The following XIRP2 variants were observed in gnomAD, a reference collection of about 807,000 sequenced individuals.
XIRP2 encodes the protein xin actin-binding repeat-containing protein 2.
XIRP2 carries 236 observed loss-of-function variants against 277.0 expected under a neutral mutation model. That is an observed-to-expected ratio of 0.85 (90% confidence interval 0.77 to 0.95). The LOEUF (loss-of-function observed/expected upper bound fraction) is 0.95, where lower values mean the gene tolerates loss of function less well. Among genes scored for constraint, XIRP2 ranks in the 40% least tolerant of loss-of-function variants. The pLI, the probability that XIRP2 is intolerant of heterozygous loss-of-function variation, is 0.00. For synonymous variants in XIRP2, 1,490 were observed against 1,416.5 expected, an observed-to-expected ratio of 1.05 and a Z score of -1.17; for missense variants, 4,640 against 4,157.5, an observed-to-expected ratio of 1.12 and a Z score of -3.19.
At chr2:166,945,539 A>C (rs980940351) in intron 2 of XIRP2, among the ~76,000 whole-genome samples, 3 of 152,062 alleles carry the variant, frequency 2.0e-5, no homozygotes, top group Non-Finnish European at 1.5e-5. Flanking sequence ...GACAGCGGTA[A>C]CCCAACTCAA....
At chr2:166,914,924 T>C (rs1684820673) in intron 2 of XIRP2, among the ~76,000 whole-genome samples, 1 of 152,126 alleles carries the variant, frequency 6.6e-6, no homozygotes. Context: ...AATTCATCTG[T>C]CTTGATCTTC....
rs199955189 is a variant in XIRP2 at position 167,172,356 on chromosome 2, G to A, written c.562+36294G>A. On this transcript the variant is annotated intron_variant, in intron 3 of 10. Coordinates refer to ENST00000409195, the MANE Select transcript of XIRP2 (RefSeq NM_152381.6). ...ACAGGACCGGGGCAAAATTAAAATT[G>A]CTAATGAAGTTTCGGGCACGCATTG... 2.6e-5 allele frequency among the ~76,000 whole-genome samples: 4 copies of A among 152,276 alleles called. No homozygotes were observed. The East Asian group carries it at 7.7e-4, about 29-fold the overall frequency.
At chr2:167,173,822 AT>A (rs1692764628) in intron 3 of XIRP2, among the ~76,000 whole-genome samples, 1 of 152,156 alleles carries the variant, frequency 6.6e-6, no homozygotes, top group African/African-American at 2.4e-5. Context: ...ATTGGGTGAC[AT>A]GATATCTCAT....
chr2:167,027,418 A>G (rs545828424), intron 2 of XIRP2, among the ~76,000 whole-genome samples: 1 of 151,978 alleles, frequency 6.6e-6, no homozygotes, highest in South Asian at 2.1e-4. Context: ...ATTTTTTTTC[A>G]AAAAGTTTCT....
At chr2:166,894,415 T>C (rs991550073) in intron 1 of XIRP2, among the ~76,000 whole-genome samples, 2 of 152,154 alleles carry the variant, frequency 1.3e-5, no homozygotes, top group African/African-American at 4.8e-5. Context: ...GCAGATTTCC[T>C]TTCTTGAGTC....
chr2:167,237,875 G>A (rs1406448188), intron 5 of XIRP2, among the ~76,000 whole-genome samples: 1 of 152,192 alleles, frequency 6.6e-6, no homozygotes, highest in Non-Finnish European at 1.5e-5. Context: ...TTGTCACAGA[G>A]GTAAAGAGCT....
At chr2:167,075,465 A>G (rs1689539408) in intron 2 of XIRP2, among the ~76,000 whole-genome samples, 1 of 152,162 alleles carries the variant, frequency 6.6e-6, no homozygotes, top group Admixed American at 6.5e-5. Context: ...TAAGAGTTTC[A>G]CAGCTGCTTG....
At chr2:167,171,740 AT>A (rs1692698541) in intron 3 of XIRP2, among the ~76,000 whole-genome samples, 1 of 152,176 alleles carries the variant, frequency 6.6e-6, no homozygotes, top group South Asian at 2.1e-4. Flanking sequence ...GTTATTAGGT[AT>A]ATATGGATTT....
Position 167,039,212 on chromosome 2 carries a change from G to C in XIRP2, c.409-96697G>C, listed in dbSNP as rs148076312. On this transcript the variant is annotated intron_variant, in intron 2 of 10. Coordinates refer to ENST00000409195, the MANE Select transcript of XIRP2 (RefSeq NM_152381.6). Reference sequence around the variant, plus strand: ...ACCACAATGAGTTTAACTGTAGCAAGAAACAACCTTACTCTTAAATTGTGA... The same window carrying C: ...ACCACAATGAGTTTAACTGTAGCAACAAACAACCTTACTCTTAAATTGTGA... 2.6e-5 allele frequency among the ~76,000 whole-genome samples: 4 copies of C among 152,040 alleles called. No individual in the cohort carries two copies. In the East Asian group the frequency reaches 7.7e-4, roughly 29 times the overall value.
chr2:167,132,117 T>C (rs1197632536), intron 2 of XIRP2, among the ~76,000 whole-genome samples: 1 of 152,006 alleles, frequency 6.6e-6, no homozygotes, highest in Non-Finnish European at 1.5e-5. Flanking sequence ...CTTCTGGCCA[T>C]CTCCATCATC....
chr2:167,246,277 G>T lies in XIRP2; in HGVS notation c.4885G>T (p.Glu1629Ter). ...AAGAGAGATTTTGATTAGTGAAGAA[G>T]AGAAGGGAAATGTTAATTTGACTAA... Reference protein sequence around the residue: ...TEREILISEEEKGNVNLTKTQ... With the variant: ...TEREILISEE The change falls in exon 9 of 11, where the codon GAG (glutamate) becomes TAG (stop). Residue 1629 changes from glutamate (E) to a stop codon, truncating the protein, a stop_gained. Coordinates refer to ENST00000409195, the MANE Select transcript of XIRP2 (RefSeq NM_152381.6). LOFTEE classifies it high-confidence loss of function. The T allele has an allele frequency of 6.2e-7, 1 of 1,613,460 alleles. No individual in the cohort carries two copies. Among genetic ancestry groups the T allele is most frequent in the Non-Finnish European group, 8.5e-7 (1 of 1,179,712 alleles).
chr2:167,250,495 A>C lies in XIRP2; in HGVS notation c.9103A>C (p.Met3035Leu). ...SYENIIQTAM[M>L]SSKTGKPGNK... Reference sequence around the variant, plus strand: ...TGAAAATATAATTCAGACAGCCATGATGTCCTCCAAAACAGGAAAACCGGG... The same window carrying C: ...TGAAAATATAATTCAGACAGCCATGCTGTCCTCCAAAACAGGAAAACCGGG... Residue 3035 changes from methionine (M) to leucine (L), a missense_variant, in exon 9 of 11, where the codon ATG (methionine) becomes CTG (leucine). Physicochemically the swap from Met to Leu is conservative, Grantham distance 15 (BLOSUM62 2). Coordinates refer to ENST00000409195, the MANE Select transcript of XIRP2 (RefSeq NM_152381.6). 1 of 1,613,626 alleles carries C rather than the reference A, an allele frequency of 6.2e-7. No homozygotes were observed. Among genetic ancestry groups the C allele is most frequent in the Non-Finnish European group, 8.5e-7 (1 of 1,179,698 alleles).
intron 2 of XIRP2, among the ~76,000 whole-genome samples, chr2:166,958,469 T>C (rs902024666): frequency 6.6e-6 from 1 of 151,818 alleles, no homozygotes; most frequent in African/African-American, 2.4e-5. Flanking sequence ...TATTCTTGCT[T>C]GTAAATATAG....
Position 166,912,110 on chromosome 2 carries a change from A to G in XIRP2, c.408+8220A>G, listed in dbSNP as rs563353945. Among the ~76,000 whole-genome samples, 97 of 152,222 alleles carry G rather than the reference A, an allele frequency of 6.4e-4. 3 individuals are homozygous for G. The highest frequency in any genetic ancestry group is 2.2e-3 in the African/African-American group (91 of 41,520). ...CTTGGAGTTGCTCTTCTCGAGGAGT[A>G]TCTTTGTGGCATTCTCTGTATTTCC... is the stretch of plus-strand genomic sequence containing the variant. On this transcript the variant is annotated intron_variant, in intron 2 of 10. Transcript: ENST00000409195.
At chr2:167,206,854 T>A (rs561726544) in intron 3 of XIRP2, among the ~76,000 whole-genome samples, 1 of 152,336 alleles carries the variant, frequency 6.6e-6, no homozygotes, top group East Asian at 1.9e-4. Context: ...ATAGGAAATA[T>A]TTACATTTAG....
Position 167,183,398 on chromosome 2 carries a change from T to C in XIRP2, c.563-27337T>C, listed in dbSNP as rs780006277. Among the ~76,000 whole-genome samples the C allele has an allele frequency of 5.5e-4, 84 of 152,188 alleles. 2 individuals are homozygous for C. The highest frequency in any genetic ancestry group is 1.6e-4 in the Non-Finnish European group (11 of 68,030). ...GTAGTTATATGATTCAATAATATCA[T>C]ACTGCTGCTGAAAATCTAGTGAGTA... On this transcript the variant is annotated intron_variant, in intron 3 of 10. Transcript: ENST00000409195.
intron 9 of XIRP2, among the ~76,000 whole-genome samples, chr2:167,253,172 A>G (rs1450172508): frequency 6.6e-6 from 1 of 151,918 alleles, no homozygotes; most frequent in African/African-American, 2.4e-5. Flanking sequence ...TTCTCACAGG[A>G]TCGCTGTGAG....
chr2:166,916,529 T>A (rs11885954), intron 2 of XIRP2, among the ~76,000 whole-genome samples: 93 of 152,148 alleles, frequency 6.1e-4, no homozygotes, highest in African/African-American at 2.2e-3. Context: ...TATAGAAAAA[T>A]TAAAATGCAG....
At chr2:166,957,682 C>T (rs990032480) in intron 2 of XIRP2, among the ~76,000 whole-genome samples, 2 of 151,724 alleles carry the variant, frequency 1.3e-5, no homozygotes, top group Non-Finnish European at 2.9e-5. Flanking sequence ...AAATTGTGGC[C>T]TGTTCCCACA....
Sources: gnomAD v4.1 joint callset for allele counts (sites outside exome capture counted in the v4.1 genomes callset) on GRCh38, gnomAD v4.1.1 for gene constraint, MANE v1.5 for transcripts, NCBI Gene and HGNC (gene_info 2026-07-23, HGNC 2026-07-21) for gene names.